The following MEGF11 variants were observed in gnomAD, a reference collection of about 807,000 sequenced individuals.
MEGF11 encodes the protein multiple EGF like domains 11.
Under a neutral mutation model 146.6 loss-of-function variants are expected in MEGF11, and 126 were observed. That is an observed-to-expected ratio of 0.86 (90% confidence interval 0.74 to 1.00). The LOEUF (loss-of-function observed/expected upper bound fraction) is 1.00, where lower values mean the gene tolerates loss of function less well. Among genes scored for constraint, MEGF11 ranks in the 50% least tolerant of loss-of-function variants. MEGF11 has a pLI of 0.00. For missense variants in MEGF11, 1,509 were observed against 1,521.2 expected (o/e 0.99, Z 0.13); for synonymous variants, 532 against 583.4 (o/e 0.91, Z 1.27).
At chr15:66,016,362 T>C (rs571388922) in intron 5 of MEGF11, among the ~76,000 whole-genome samples, 4 of 146,442 alleles carry the variant, frequency 2.7e-5, no homozygotes, top group South Asian at 2.1e-4. Context: ...CTCATTTACA[T>C]GGTTCAATGA....
intron 10 of MEGF11, among the ~76,000 whole-genome samples, chr15:65,937,130 G>C (rs1340824602): frequency 1.3e-5 from 2 of 152,202 alleles, no homozygotes; most frequent in African/African-American, 4.8e-5. Flanking sequence ...GCAGAGCTGG[G>C]ACTTGCAGGC....
At position 65,933,384 on chromosome 15, in the gene MEGF11, T is replaced by C. The variant is rs150010468; in HGVS notation, c.1288-2441A>G. Among the ~76,000 whole-genome samples, 338 of 152,344 alleles carry C rather than the reference T, an allele frequency of 2.2e-3. 3 individuals carry two copies. Among genetic ancestry groups the C allele is most frequent in the African/African-American group, 7.8e-3 (323 of 41,574 alleles). On this transcript the variant is annotated intron_variant, in intron 10 of 25. Coordinates refer to ENST00000395614, the MANE Select transcript of MEGF11 (RefSeq NM_001385028.1). ...GTTTCTCTCCCAGTGTCCTCATTAG[T>C]GTCCCAAACCCTGATCTCCCTGCAA...
chr15:66,014,274 A>T (rs1271337400), intron 5 of MEGF11, among the ~76,000 whole-genome samples: 5 of 152,240 alleles, frequency 3.3e-5, no homozygotes, highest in Non-Finnish European at 1.5e-5. Context: ...GTATGATCTA[A>T]TTTTAACTTG....
At chr15:65,986,792 C>CTTTTTTTTTTTT (rs1491353062) in intron 5 of MEGF11, among the ~76,000 whole-genome samples, 2 of 134,008 alleles carry the variant, frequency 1.5e-5, no homozygotes, top group African/African-American at 5.4e-5. Context: ...GCTGATTTTT[C>CTTTTTTTTTTTT]CTTTTTTTTT....
intron 24 of MEGF11, 41 bp from the exon 25 acceptor site, chr15:65,898,975 A>T: frequency 6.2e-7 from 1 of 1,602,268 alleles, no homozygotes; most frequent in Non-Finnish European, 8.5e-7. Flanking sequence ...GCAAGAATAC[A>T]AGTCTTCATG....
At chr15:66,081,973 C>G (rs575594834) in intron 5 of MEGF11, among the ~76,000 whole-genome samples, 1 of 152,112 alleles carries the variant, frequency 6.6e-6, no homozygotes, top group African/African-American at 2.4e-5. Context: ...TGGAAGACAC[C>G]GTGAGAAGGC....
At chr15:66,000,632 CAG>C (rs1159337806) in intron 5 of MEGF11, among the ~76,000 whole-genome samples, 1 of 152,012 alleles carries the variant, frequency 6.6e-6, no homozygotes, top group African/African-American at 2.4e-5. Flanking sequence ...TGATGTGTAT[CAG>C]GGGTTGATAT....
At chr15:66,171,696 G>A (rs867157985) in intron 1 of MEGF11, among the ~76,000 whole-genome samples, 1 of 141,578 alleles carries the variant, frequency 7.1e-6, no homozygotes, top group African/African-American at 2.7e-5. Flanking sequence ...GAACCCCCAC[G>A]CAACGCTCCC....
At chr15:66,081,842 A>G (rs1459981762) in intron 5 of MEGF11, among the ~76,000 whole-genome samples, 1 of 152,164 alleles carries the variant, frequency 6.6e-6, no homozygotes, top group Admixed American at 6.5e-5. Context: ...TGAAACCCTA[A>G]TCCCCAATGT....
chr15:66,208,306 A>G (rs1394831954), intron 1 of MEGF11, among the ~76,000 whole-genome samples: 1 of 152,190 alleles, frequency 6.6e-6, no homozygotes, highest in East Asian at 1.9e-4. Context: ...TGTTTTGTGT[A>G]TATAATGAAA....
At chr15:66,028,081 C>T (rs962140865) in intron 5 of MEGF11, among the ~76,000 whole-genome samples, 1 of 152,224 alleles carries the variant, frequency 6.6e-6, no homozygotes, top group Non-Finnish European at 1.5e-5. Flanking sequence ...CCTGTCTCAG[C>T]TCCCTTTTAC....
chr15:65,903,819 A>G (rs1264783129), intron 24 of MEGF11, among the ~76,000 whole-genome samples: 1 of 152,230 alleles, frequency 6.6e-6, no homozygotes, highest in Non-Finnish European at 1.5e-5. Flanking sequence ...AAGTATTGTT[A>G]TAAAGTTCTG....
intron 1 of MEGF11, among the ~76,000 whole-genome samples, chr15:66,197,849 A>T (rs189194261): frequency 6.6e-4 from 100 of 152,292 alleles, no homozygotes; most frequent in African/African-American, 2.2e-3. Flanking sequence ...CTCTTTAACG[A>T]ATTCTCCTGA....
chr15:65,928,341 G>A, intron 13 of MEGF11, 84 bp downstream of exon 13: 1 of 832,006 alleles, frequency 1.2e-6, no homozygotes, highest in South Asian at 2.0e-5. Context: ...GAGAGGTATT[G>A]AAGAAGAAAA....
chr15:65,934,181 T>G (rs1381860880), intron 10 of MEGF11, among the ~76,000 whole-genome samples: 1 of 152,178 alleles, frequency 6.6e-6, no homozygotes, highest in Non-Finnish European at 1.5e-5. Flanking sequence ...AAATATAAGG[T>G]CTTCATCCAG....
intron 5 of MEGF11, among the ~76,000 whole-genome samples, chr15:66,008,407 GCGCGCACACACACACACACA>G (rs1259865365): frequency 8.5e-5 from 7 of 82,310 alleles, no homozygotes; most frequent in East Asian, 2.2e-4. Context: ...GCACACGCGC[GCGCGCACACACACACACACA>G]CACACACACA....
intron 1 of MEGF11, among the ~76,000 whole-genome samples, chr15:66,154,834 C>T (rs972416083): frequency 1.3e-5 from 2 of 152,048 alleles, no homozygotes; most frequent in African/African-American, 2.4e-5. Flanking sequence ...AGGGAAGGGC[C>T]CAGGTGGCAG....
intron 15 of MEGF11, chr15:65,922,045 GT>G (rs1451455256): frequency 2.4e-6 from 1 of 424,496 alleles, no homozygotes; most frequent in Admixed American, 4.1e-5. Flanking sequence ...CTCTGTGCTT[GT>G]TTCACTTTTC....
chr15:66,042,745 A>G (rs191846795), intron 5 of MEGF11, among the ~76,000 whole-genome samples: 3 of 152,294 alleles, frequency 2.0e-5, no homozygotes, highest in African/African-American at 7.2e-5. Context: ...TGGCCGCTGC[A>G]TAACTGCAGG....
Sources: gnomAD v4.1 joint callset for allele counts (sites outside exome capture counted in the v4.1 genomes callset) on GRCh38, gnomAD v4.1.1 for gene constraint, MANE v1.5 for transcripts, NCBI Gene and HGNC (gene_info 2026-07-23, HGNC 2026-07-21) for gene names.